EDEM3: variants seen among roughly 807,000 people sequenced by gnomAD.
EDEM3 encodes the protein ER degradation enhancing alpha-mannosidase like protein 3.
Under a neutral mutation model 110.2 loss-of-function variants are expected in EDEM3, and 60 were observed. The ratio of observed to expected loss-of-function variants is 0.54; its 90% CI spans 0.44 to 0.67. The LOEUF is 0.67. Among genes scored for constraint, EDEM3 ranks in the 30% least tolerant of loss-of-function variants. The pLI is 0.00. For synonymous variants in EDEM3, 352 were observed against 382.9 expected (o/e 0.92, Z 0.94); for missense variants, 996 against 1,121.0 (o/e 0.89, Z 1.59).
chr1:184,713,125 G>A (rs1235325949), intron 13 of EDEM3, among the ~76,000 whole-genome samples: 2 of 152,060 alleles, frequency 1.3e-5, no homozygotes, highest in Non-Finnish European at 2.9e-5. Context: ...AATTAGCCGG[G>A]TGTCGTGCCA....
At chr1:184,732,687 T>C in intron 6 of EDEM3, 150 bp downstream of exon 6, 1 of 723,412 alleles carries the variant, frequency 1.4e-6, no homozygotes, top group Non-Finnish European at 2.1e-6. Flanking sequence ...ATCAGTTAAT[T>C]GAAATGAAAA....
chr1:184,745,912 T>C (rs1652405777), intron 2 of EDEM3, among the ~76,000 whole-genome samples: 1 of 152,186 alleles, frequency 6.6e-6, no homozygotes, highest in Admixed American at 6.5e-5. Flanking sequence ...ATGGCCCAAA[T>C]ACATGTCATT....
chr1:184,721,014 C>G (rs1442826011), intron 9 of EDEM3: 1 of 290,038 alleles, frequency 3.4e-6, no homozygotes, highest in Non-Finnish European at 6.4e-6. Context: ...CTTGTACAAA[C>G]AAGATTAGGT....
intron 18 of EDEM3, among the ~76,000 whole-genome samples, chr1:184,705,247 G>T (rs1649853289): frequency 6.6e-6 from 1 of 152,150 alleles, no homozygotes; most frequent in Non-Finnish European, 1.5e-5. Context: ...GGTAAGAACT[G>T]TTCAAAATGA....
intron 2 of EDEM3, among the ~76,000 whole-genome samples, chr1:184,739,437 T>A (rs922705085): frequency 7.9e-5 from 12 of 151,266 alleles, no homozygotes; most frequent in African/African-American, 2.9e-4. Context: ...ATTATTTTAT[T>A]AAGTTTACCC....
chr1:184,699,471 A>C (rs1276560935), intron 19 of EDEM3, among the ~76,000 whole-genome samples: 1 of 151,918 alleles, frequency 6.6e-6, no homozygotes, highest in Non-Finnish European at 1.5e-5. Flanking sequence ...TGGATGGAGA[A>C]GGGAAGGTTA....
rs765619816 is a variant in EDEM3, at chr1:184,732,922, T to C, written c.527A>G (p.Asn176Ser). Reference protein sequence around the residue: ...KEKGEYMQWYNDELLQMAKQL... With the variant: ...KEKGEYMQWYSDELLQMAKQL... ...CTTTGCCATTTGGAGAAGTTCATCATTGTACCACTGCATATATTCACCTTT... is the reference window on the plus strand; with the variant it reads ...CTTTGCCATTTGGAGAAGTTCATCACTGTACCACTGCATATATTCACCTTT... The change falls in exon 6 of 20, where the codon AAT (asparagine) becomes AGT (serine). Residue 176 changes from asparagine (N) to serine (S), a missense_variant. Coordinates refer to ENST00000318130, the MANE Select transcript of EDEM3 (RefSeq NM_025191.4). 7 of 1,614,032 alleles carry C rather than the reference T, an allele frequency of 4.3e-6. No homozygotes were observed. In the African/African-American group the frequency reaches 8.0e-5, roughly 18 times the overall value.
chr1:184,702,839 C>T lies in EDEM3; in HGVS notation c.2361G>A (p.Val787=). The stretch of plus-strand genomic sequence containing the variant: ...GATCTTTTGCTTTATCAGAGAGGAG[C>T]ACTTCTACCTCCTCATATTCCCGGA... ...DAIREYEEVE[V]LLSDKAKDRD... Residue 787 remains valine, a synonymous_variant, in exon 19 of 20, where the codon GTG becomes GTA. Transcript: ENST00000318130. The T allele has an allele frequency of 6.2e-7, 1 of 1,608,152 alleles. No individual in the cohort carries two copies. Among genetic ancestry groups the T allele is most frequent in the Non-Finnish European group, 8.5e-7 (1 of 1,177,826 alleles).
intron 19 of EDEM3, among the ~76,000 whole-genome samples, 199 bp from the exon 20 acceptor site, chr1:184,694,671 T>C (rs993277501): frequency 6.6e-6 from 1 of 152,032 alleles, no homozygotes; most frequent in African/African-American, 2.4e-5. Context: ...CTGTGCAAAA[T>C]GTGTCAGTGT....
Position 184,737,662 on chromosome 1 carries a change from C to T in EDEM3, c.254G>A (p.Arg85Gln), listed in dbSNP as rs758133289. 3.1e-6 allele frequency: 5 copies of T among 1,614,020 alleles called. No individual in the cohort carries two copies. Among genetic ancestry groups the T allele is most frequent in the Admixed American group, 1.7e-5 (1 of 60,004 alleles). The change falls in exon 3 of 20, where the codon CGA becomes CAA. Residue 85 changes from arginine to glutamine, a missense_variant. This residue lies in a region of EDEM3 where 200 missense variants were observed against 183.8 expected (regional missense o/e 1.09). Coordinates refer to ENST00000318130, the MANE Select transcript of EDEM3 (RefSeq NM_025191.4). ...GCGACTTGGCTCTTGGCCTCTAACT[C>T]GACCTCTACAGGTTAAAGGCATGAG... ...DELMPLTCRG[R>Q]VRGQEPSRGD...
chr1:184,711,794 C>G lies in EDEM3; in HGVS notation c.1620G>C (p.Leu540Phe), dbSNP rs766853402. Residue 540 changes from leucine to phenylalanine, a missense_variant, in exon 15 of 20, where the codon TTG becomes TTC. This residue lies in a region of EDEM3 where 138 missense variants were observed against 124.3 expected (regional missense o/e 1.11). Transcript: ENST00000318130. ...AGGGCTCACGAATACTTTGAGCATACAATGGGTCATTAGGAAAGAGGATCT... is the reference window on the plus strand; with the variant it reads ...AGGGCTCACGAATACTTTGAGCATAGAATGGGTCATTAGGAAAGAGGATCT... ...NTQILFPNDP[L>F]YAQSIREPLK... 1 of 1,613,564 alleles carries G rather than the reference C, an allele frequency of 6.2e-7. No individual in the cohort carries two copies. The highest frequency in any genetic ancestry group is 2.2e-5 in the East Asian group (1 of 44,834).
At chr1:184,744,717 A>C (rs1301679241) in intron 2 of EDEM3, among the ~76,000 whole-genome samples, 1 of 152,094 alleles carries the variant, frequency 6.6e-6, no homozygotes, top group Non-Finnish European at 1.5e-5. Flanking sequence ...AAATCAACTA[A>C]TACTACTGAG....
intron 19 of EDEM3, among the ~76,000 whole-genome samples, chr1:184,699,304 C>G (rs966235599): frequency 6.6e-6 from 1 of 151,522 alleles, no homozygotes; most frequent in African/African-American, 2.4e-5. Flanking sequence ...AAAAGGACAC[C>G]CTTAAATTTT....
intron 11 of EDEM3, among the ~76,000 whole-genome samples, 189 bp downstream of exon 11, chr1:184,718,973 A>G (rs1650714938): frequency 6.6e-6 from 1 of 152,124 alleles, no homozygotes; most frequent in African/African-American, 2.4e-5. Flanking sequence ...CACAAAGAAA[A>G]GCAAAAACAT....
chr1:184,719,392 A>C (rs1365221730), intron 10 of EDEM3, 51 bp downstream of exon 10: 1 of 1,587,174 alleles, frequency 6.3e-7, no homozygotes, highest in East Asian at 2.2e-5. Context: ...AAATGCGCCT[A>C]ATTAACATCA....
intron 3 of EDEM3, 48 bp from the exon 4 acceptor site, chr1:184,737,112 G>T (rs1219959137): frequency 6.8e-7 from 1 of 1,475,692 alleles, no homozygotes; most frequent in Admixed American, 1.7e-5. Flanking sequence ...ATCCTAAATA[G>T]TTTATGAATG....
chr1:184,695,160 T>C (rs1370687163), intron 19 of EDEM3, among the ~76,000 whole-genome samples: 1 of 152,028 alleles, frequency 6.6e-6, no homozygotes, highest in Non-Finnish European at 1.5e-5. Context: ...TAGAGGCATT[T>C]TATTTAGGGT....
intron 18 of EDEM3, among the ~76,000 whole-genome samples, chr1:184,703,323 C>A (rs1649732014): frequency 6.6e-6 from 1 of 152,006 alleles, no homozygotes; most frequent in Non-Finnish European, 1.5e-5. Flanking sequence ...ATACAGAATT[C>A]TATGATTATG....
At chr1:184,743,705 A>G (rs1652264170) in intron 2 of EDEM3, among the ~76,000 whole-genome samples, 1 of 152,180 alleles carries the variant, frequency 6.6e-6, no homozygotes, top group Non-Finnish European at 1.5e-5. Context: ...AAACTACAAT[A>G]ATCAGGACAA....
Sources: gnomAD v4.1 joint callset for allele counts (sites outside exome capture counted in the v4.1 genomes callset) on GRCh38, gnomAD v4.1.1 for gene constraint, gnomAD v4.1.1 regional missense constraint, MANE v1.5 for transcripts, NCBI Gene and HGNC (gene_info 2026-07-23, HGNC 2026-07-21) for gene names.